The following MDGA2 variants were observed in gnomAD, a reference collection of about 807,000 sequenced individuals.
MDGA2 encodes MAM domain containing glycosylphosphatidylinositol anchor 2.
MDGA2 carries 40 observed loss-of-function variants against 117.8 expected under a neutral mutation model. That is an observed-to-expected ratio of 0.34 (90% confidence interval 0.26 to 0.44). The LOEUF (loss-of-function observed/expected upper bound fraction) is 0.44. Ranked by LOEUF, MDGA2 falls within the 20% of genes least tolerant of loss-of-function variation. The probability of loss-of-function intolerance (pLI) is 1.00; values close to 1 mark genes in which losing one functional copy is unlikely to be tolerated. For missense variants in MDGA2, 1,123 were observed against 1,250.6 expected, an observed-to-expected ratio of 0.90 and a Z score of 1.54; for synonymous variants, 452 against 439.0, an observed-to-expected ratio of 1.03 and a Z score of -0.37.
chr14:47,564,539 T>C (rs569309896), intron 1 of MDGA2, among the ~76,000 whole-genome samples: 1 of 152,282 alleles, frequency 6.6e-6, no homozygotes, highest in African/African-American at 2.4e-5. Context: ...GAAAGCAGTA[T>C]GGCAGAAATT....
chr14:47,521,961 C>A (rs1009858623), intron 1 of MDGA2, among the ~76,000 whole-genome samples: 3 of 152,026 alleles, frequency 2.0e-5, no homozygotes, highest in African/African-American at 4.8e-5. Flanking sequence ...CGTGAACCAC[C>A]GCACCCAGCC....
intron 9 of MDGA2, among the ~76,000 whole-genome samples, chr14:46,933,654 AAATT>A (rs1884664412): frequency 6.6e-6 from 1 of 151,336 alleles, no homozygotes; most frequent in African/African-American, 2.4e-5. Flanking sequence ...GGGAATTTGA[AAATT>A]AATTAGACAA....
chr14:47,012,830 C>T (rs1179665813), intron 8 of MDGA2, among the ~76,000 whole-genome samples: 3 of 152,030 alleles, frequency 2.0e-5, no homozygotes, highest in South Asian at 2.1e-4. Flanking sequence ...GAGCAAGCCA[C>T]GAATTTTTTT....
At chr14:47,408,363 C>A (rs1209437922) in intron 1 of MDGA2, among the ~76,000 whole-genome samples, 1 of 152,128 alleles carries the variant, frequency 6.6e-6, no homozygotes, top group East Asian at 1.9e-4. Context: ...CGAGATTATT[C>A]TTATAAGCAT....
chr14:47,175,634 T>C (rs1336614669), intron 3 of MDGA2, among the ~76,000 whole-genome samples: 2 of 151,936 alleles, frequency 1.3e-5, no homozygotes, highest in Admixed American at 6.6e-5. Context: ...AAATTACATA[T>C]TGATGGGACG....
At chr14:47,246,376 T>C (rs1887237754) in intron 2 of MDGA2, among the ~76,000 whole-genome samples, 1 of 151,758 alleles carries the variant, frequency 6.6e-6, no homozygotes, top group Non-Finnish European at 1.5e-5. Flanking sequence ...TAAGAGGCAT[T>C]TGAAGGCTGC....
At chr14:47,274,462 T>G (rs762084237) in intron 2 of MDGA2, among the ~76,000 whole-genome samples, 10 of 152,182 alleles carry the variant, frequency 6.6e-5, no homozygotes, top group Non-Finnish European at 1.5e-4. Flanking sequence ...GGCCACATTT[T>G]ATTTATCCAT....
At chr14:46,864,105 C>G (rs1173379428) in intron 14 of MDGA2, among the ~76,000 whole-genome samples, 2 of 135,042 alleles carry the variant, frequency 1.5e-5, no homozygotes, top group African/African-American at 2.7e-5. Flanking sequence ...AAAGCCAAAG[C>G]TAATTAATAG....
At chr14:47,171,762 T>C (rs116919270) in intron 3 of MDGA2, among the ~76,000 whole-genome samples, 3,046 of 152,256 alleles carry the variant, frequency 0.02, 33 homozygotes, top group Non-Finnish European at 0.032. Flanking sequence ...AGGTATTGTG[T>C]TCATCTCACT....
intron 1 of MDGA2, among the ~76,000 whole-genome samples, chr14:47,546,706 AAAG>A (rs1895469795): frequency 1.3e-5 from 2 of 152,172 alleles, no homozygotes; most frequent in African/African-American, 4.8e-5. Context: ...TCTGGCCATC[AAAG>A]AAGGGTTGTG....
intron 2 of MDGA2, among the ~76,000 whole-genome samples, 154 bp from the exon 3 acceptor site, chr14:47,218,349 T>C (rs1886176842): frequency 1.3e-5 from 2 of 152,146 alleles, no homozygotes; most frequent in African/African-American, 2.4e-5. Flanking sequence ...ACAGACACGA[T>C]TGAATTAAAA....
chr14:47,505,060 G>T (rs1447056178), intron 1 of MDGA2, among the ~76,000 whole-genome samples: 1 of 152,152 alleles, frequency 6.6e-6, no homozygotes, highest in Non-Finnish European at 1.5e-5. Flanking sequence ...GGATGAACCT[G>T]CAGGACATCA....
intron 8 of MDGA2, among the ~76,000 whole-genome samples, chr14:47,029,071 A>G (rs943055950): frequency 6.6e-6 from 1 of 152,138 alleles, no homozygotes; most frequent in African/African-American, 2.4e-5. Flanking sequence ...ACGCTACAGA[A>G]TATTACCCAG....
intron 1 of MDGA2, among the ~76,000 whole-genome samples, chr14:47,582,501 A>G (rs1328448159): frequency 6.6e-6 from 1 of 151,824 alleles, no homozygotes; most frequent in Non-Finnish European, 1.5e-5. Context: ...CTTTTTGGAA[A>G]CCTAATCATC....
intron 10 of MDGA2, among the ~76,000 whole-genome samples, chr14:46,906,926 A>T (rs1883515644): frequency 6.6e-6 from 1 of 151,264 alleles, no homozygotes; most frequent in Admixed American, 6.6e-5. Context: ...ATTGACTGCC[A>T]TTAAGCAATC....
intron 1 of MDGA2, among the ~76,000 whole-genome samples, chr14:47,400,508 T>C (rs534501441): frequency 6.6e-6 from 1 of 151,842 alleles, no homozygotes; most frequent in African/African-American, 2.4e-5. Flanking sequence ...GTAGGATTTA[T>C]ATCAGTGACA....
In MDGA2 at chr14:47,061,364, G is replaced by A; in HGVS notation, c.1410C>T (p.Asn470=). ...TGAATTTTAAATCAATGATGTCCAAGTTTGTTGTTCCCGGAGAGACATCAG... is the reference window on the plus strand; with the variant it reads ...TGAATTTTAAATCAATGATGTCCAAATTTGTTGTTCCCGGAGAGACATCAG... ...TDPDVSPGTT[N]LDIIDLKFTD... Residue 470 remains asparagine, a synonymous_variant, in exon 7 of 17, where the codon AAC becomes AAT. Transcript: ENST00000399232. The A allele has an allele frequency of 6.2e-7, 1 of 1,613,626 alleles. No homozygotes were observed. Among genetic ancestry groups the A allele is most frequent in the East Asian group, 2.2e-5 (1 of 44,860 alleles).
chr14:47,022,501 G>C (rs574317254), intron 8 of MDGA2, among the ~76,000 whole-genome samples: 3 of 152,226 alleles, frequency 2.0e-5, no homozygotes, highest in Admixed American at 6.5e-5. Flanking sequence ...ATGAAGGAAA[G>C]AGTTTATAAT....
At chr14:47,330,284 T>C (rs959442409) in intron 1 of MDGA2, among the ~76,000 whole-genome samples, 1 of 151,976 alleles carries the variant, frequency 6.6e-6, no homozygotes, top group African/African-American at 2.4e-5. Flanking sequence ...AGAATTATTA[T>C]TCCTTTATAT....
Sources: gnomAD v4.1 joint callset for allele counts (sites outside exome capture counted in the v4.1 genomes callset) on GRCh38, gnomAD v4.1.1 for gene constraint, MANE v1.5 for transcripts, NCBI Gene and HGNC (gene_info 2026-07-23, HGNC 2026-07-21) for gene names.